Variants in ROBO1 observed in about 807,000 individuals in gnomAD.
The protein encoded by ROBO1 is roundabout guidance receptor 1.
A neutral mutation model predicts 195.9 loss-of-function variants in ROBO1; 149 were observed. The ratio of observed to expected loss-of-function variants is 0.76; its 90% CI spans 0.67 to 0.87. ROBO1 has a LOEUF of 0.87. Ranked by LOEUF, ROBO1 falls within the 40% of genes least tolerant of loss-of-function variation. The pLI is 0.00. For synonymous variants in ROBO1, 816 were observed against 733.2 expected, an observed-to-expected ratio of 1.11 and a Z score of -1.82; for missense variants, 1,933 against 2,068.3, an observed-to-expected ratio of 0.93 and a Z score of 1.27.
chr3:79,685,244 G>C (rs1447047575), intron 1 of ROBO1, among the ~76,000 whole-genome samples: 1 of 152,140 alleles, frequency 6.6e-6, no homozygotes, highest in Non-Finnish European at 1.5e-5. Context: ...GCCTCTGTGT[G>C]CATGTTGGGA....
chr3:78,884,908 T>C lies in ROBO1; in HGVS notation c.499+53693A>G, dbSNP rs139961550. On this transcript the variant is annotated intron_variant, in intron 4 of 30. Coordinates refer to ENST00000464233, the MANE Select transcript of ROBO1 (RefSeq NM_002941.4). ...TGTGTGTGTGTATTTCTCTTCTGTA[T>C]GTTCTCATCATGAAACTCAATTGCA... 5.0e-5 allele frequency among the ~76,000 whole-genome samples: 7 copies of C among 140,168 alleles called. No homozygotes were observed. The East Asian group carries it at 1.4e-3, about 29-fold the overall frequency. 92.0% of individuals were successfully genotyped at this position (140,168 alleles called of 152,430 possible). A position where few individuals can be genotyped will look rare whatever the true frequency, so the allele number is the denominator to read the frequency against.
intron 4 of ROBO1, among the ~76,000 whole-genome samples, chr3:78,902,884 C>A (rs541321253): frequency 6.6e-6 from 1 of 152,218 alleles, no homozygotes; most frequent in South Asian, 2.1e-4. Context: ...TTCATTGGCA[C>A]TGAAACATTT....
At chr3:79,515,079 G>A (rs1940885712) in intron 2 of ROBO1, among the ~76,000 whole-genome samples, 1 of 152,106 alleles carries the variant, frequency 6.6e-6, no homozygotes, top group Non-Finnish European at 1.5e-5. Context: ...AATTCTCCGA[G>A]CCTTGTTTGC....
intron 2 of ROBO1, among the ~76,000 whole-genome samples, chr3:79,213,633 C>T (rs1193777814): frequency 2.0e-5 from 3 of 152,054 alleles, no homozygotes; most frequent in Non-Finnish European, 4.4e-5. Flanking sequence ...CTGATGCCTT[C>T]AGAAATCCAA....
intron 2 of ROBO1, among the ~76,000 whole-genome samples, chr3:79,531,982 C>G (rs1306186926): frequency 6.6e-6 from 1 of 152,100 alleles, no homozygotes; most frequent in East Asian, 1.9e-4. Flanking sequence ...GGAATACGAT[C>G]TGTTTGAGAG....
At chr3:78,728,996 A>C (rs1246475052) in intron 5 of ROBO1, among the ~76,000 whole-genome samples, 2 of 152,256 alleles carry the variant, frequency 1.3e-5, no homozygotes, top group Admixed American at 6.5e-5. Context: ...AGACTTATGC[A>C]GAAAAAGCAA....
At chr3:78,673,562 T>TTATATATATATA (rs1166250669) in intron 10 of ROBO1, among the ~76,000 whole-genome samples, 31 of 63,356 alleles carry the variant, frequency 4.9e-4, no homozygotes, top group South Asian at 1.1e-3. Context: ...TACATATATT[T>TTATATATATATA]TATATATATA....
At chr3:78,966,666 C>A (rs1389401715) in intron 3 of ROBO1, among the ~76,000 whole-genome samples, 1 of 152,162 alleles carries the variant, frequency 6.6e-6, no homozygotes, top group East Asian at 1.9e-4. Flanking sequence ...AAACATATTG[C>A]TTTAATTTAA....
At chr3:78,770,656 TTC>T (rs1239848518) in intron 4 of ROBO1, among the ~76,000 whole-genome samples, 1 of 152,218 alleles carries the variant, frequency 6.6e-6, no homozygotes, top group Non-Finnish European at 1.5e-5. Context: ...CAATTTTTGT[TTC>T]TGTTGCACTT....
chr3:79,714,328 T>A (rs1279554869), intron 1 of ROBO1, among the ~76,000 whole-genome samples: 1 of 152,046 alleles, frequency 6.6e-6, no homozygotes, highest in East Asian at 1.9e-4. Context: ...AGAATGGTGA[T>A]CATTAAAAAG....
chr3:78,666,422 C>T (rs1199210211), intron 14 of ROBO1, among the ~76,000 whole-genome samples: 2 of 152,182 alleles, frequency 1.3e-5, no homozygotes, highest in Non-Finnish European at 2.9e-5. Flanking sequence ...CATGTGAGTA[C>T]AGGACAAAAC....
intron 10 of ROBO1, among the ~76,000 whole-genome samples, chr3:78,684,166 A>G (rs1181174633): frequency 3.3e-5 from 5 of 152,152 alleles, no homozygotes; most frequent in Admixed American, 2.6e-4. Context: ...TACTCCATCA[A>G]TATGAGAATA....
chr3:79,705,785 A>G (rs1947751755), intron 1 of ROBO1, among the ~76,000 whole-genome samples: 1 of 152,140 alleles, frequency 6.6e-6, no homozygotes, highest in Non-Finnish European at 1.5e-5. Context: ...ACATCTTGAT[A>G]ATATCGAGTC....
chr3:78,866,867 C>G (rs757500635), intron 4 of ROBO1, among the ~76,000 whole-genome samples: 1 of 152,088 alleles, frequency 6.6e-6, no homozygotes, highest in Admixed American at 6.5e-5. Flanking sequence ...TTCTAGACCA[C>G]GAAAGATCTC....
At chr3:79,371,999 C>A (rs2109340712) in intron 2 of ROBO1, among the ~76,000 whole-genome samples, 1 of 152,142 alleles carries the variant, frequency 6.6e-6, no homozygotes, top group Middle Eastern at 3.4e-3. Flanking sequence ...AACCTAGATC[C>A]CTTACATGTG....
chr3:78,773,782 A>G (rs990609525), intron 4 of ROBO1, among the ~76,000 whole-genome samples: 2 of 152,278 alleles, frequency 1.3e-5, no homozygotes, highest in East Asian at 3.9e-4. Flanking sequence ...TGTATCTGGT[A>G]CACAGTGGGT....
At chr3:79,332,040 G>A (rs1393636749) in intron 2 of ROBO1, among the ~76,000 whole-genome samples, 3 of 151,958 alleles carry the variant, frequency 2.0e-5, no homozygotes, top group Non-Finnish European at 4.4e-5. Context: ...GTGCTGGGAA[G>A]GCTGAGGCAG....
chr3:79,445,059 A>G (rs1200929287), intron 2 of ROBO1, among the ~76,000 whole-genome samples: 1 of 152,028 alleles, frequency 6.6e-6, no homozygotes, highest in Non-Finnish European at 1.5e-5. Flanking sequence ...TTTTTTAAAC[A>G]TTAGTTGATA....
In ROBO1 at chr3:78,668,483, C is replaced by T; in HGVS notation, c.1630+1G>A. ...TAAGGGAAACACACCATTTACTTTA[C>T]CTTGAACTTCAATGTAAGCACTCCA... On this transcript the variant is annotated splice_donor_variant, in intron 12 of 30. Transcript: ENST00000464233. LOFTEE classifies it high-confidence loss of function. 2 of 1,613,780 alleles carry T rather than the reference C, an allele frequency of 1.2e-6. No individual in the cohort carries two copies. The highest frequency in any genetic ancestry group is 1.7e-6 in the Non-Finnish European group (2 of 1,179,756).
Sources: gnomAD v4.1 joint callset for allele counts (sites outside exome capture counted in the v4.1 genomes callset) on GRCh38, gnomAD v4.1.1 for gene constraint, MANE v1.5 for transcripts, NCBI Gene and HGNC (gene_info 2026-07-23, HGNC 2026-07-21) for gene names.